KCNMB4: variants seen among roughly 807,000 people sequenced by gnomAD.
KCNMB4 encodes the protein potassium calcium-activated channel subfamily M regulatory beta subunit 4.
KCNMB4 carries 3 observed loss-of-function variants against 20.7 expected under a neutral mutation model. The observed-to-expected ratio is 0.14, with a 90% CI of 0.07 to 0.37. KCNMB4 has a LOEUF of 0.37. Among genes scored for constraint, KCNMB4 ranks in the 10% least tolerant of loss-of-function variants. The pLI is 1.00. For synonymous variants in KCNMB4, 110 were observed against 113.4 expected, an observed-to-expected ratio of 0.97 and a Z score of 0.19; for missense variants, 168 against 265.9, an observed-to-expected ratio of 0.63 and a Z score of 2.56.
chr12:70,392,923 T>C (rs1868313137), intron 1 of KCNMB4, among the ~76,000 whole-genome samples: 1 of 152,128 alleles, frequency 6.6e-6, no homozygotes, highest in South Asian at 2.1e-4. Context: ...ATGGCACATG[T>C]ATGTCTATGT....
chr12:70,422,911 A>G, intron 2 of KCNMB4: 1 of 1,030,892 alleles, frequency 9.7e-7, no homozygotes, highest in Non-Finnish European at 1.2e-6. Flanking sequence ...CGGTTTCCCC[A>G]GGCCTCTACT....
At chr12:70,422,759 A>G (rs1232538242) in intron 2 of KCNMB4, 1 of 1,288,056 alleles carries the variant, frequency 7.8e-7, no homozygotes, top group Non-Finnish European at 1.0e-6. Flanking sequence ...CATCTCCGGC[A>G]GGGGTTATCC....
chr12:70,407,126 T>G (rs544306427), intron 2 of KCNMB4, among the ~76,000 whole-genome samples: 3 of 152,286 alleles, frequency 2.0e-5, no homozygotes, highest in Non-Finnish European at 4.4e-5. Flanking sequence ...GCTGACCTTC[T>G]CTAAGTCAGG....
chr12:70,411,397 A>C (rs1203458162), intron 2 of KCNMB4, among the ~76,000 whole-genome samples: 1 of 152,220 alleles, frequency 6.6e-6, no homozygotes, highest in African/African-American at 2.4e-5. Flanking sequence ...AAAGGCAAAG[A>C]AATGTGTAAT....
chr12:70,403,423 C>T (rs1001297466), intron 2 of KCNMB4, among the ~76,000 whole-genome samples: 3 of 152,136 alleles, frequency 2.0e-5, no homozygotes, highest in Non-Finnish European at 4.4e-5. Context: ...ACCTCTGCCT[C>T]TCAGGTTCAA....
intron 1 of KCNMB4, among the ~76,000 whole-genome samples, chr12:70,378,729 G>C (rs761999710): frequency 1.3e-5 from 2 of 152,160 alleles, no homozygotes; most frequent in Admixed American, 1.3e-4. Flanking sequence ...TAGAGACAAG[G>C]CTTCACCATG....
intron 2 of KCNMB4, among the ~76,000 whole-genome samples, chr12:70,405,520 C>T (rs1296590134): frequency 6.6e-6 from 1 of 152,142 alleles, no homozygotes; most frequent in African/African-American, 2.4e-5. Context: ...AATTGGAACC[C>T]TTGCATACCG....
intron 2 of KCNMB4, among the ~76,000 whole-genome samples, chr12:70,420,417 G>A (rs1190742901): frequency 6.6e-6 from 1 of 152,152 alleles, no homozygotes; most frequent in Admixed American, 6.5e-5. Flanking sequence ...AGGGGGAGAT[G>A]AGATCAGAGA....
intron 1 of KCNMB4, among the ~76,000 whole-genome samples, chr12:70,382,820 T>A (rs1002620469): frequency 2.0e-5 from 3 of 152,106 alleles, no homozygotes; most frequent in Non-Finnish European, 4.4e-5. Context: ...ACATGAAAAA[T>A]ATGTGGTATC....
chr12:70,421,821 T>C (rs1869069984), intron 2 of KCNMB4, among the ~76,000 whole-genome samples: 1 of 151,742 alleles, frequency 6.6e-6, no homozygotes, highest in Non-Finnish European at 1.5e-5. Context: ...GACCTCTTGA[T>C]CCGCCCGCCT....
At chr12:70,401,686 G>A (rs1868455675) in intron 2 of KCNMB4, among the ~76,000 whole-genome samples, 1 of 146,422 alleles carries the variant, frequency 6.8e-6, no homozygotes, top group Admixed American at 7.0e-5. Flanking sequence ...CTCATTTGTA[G>A]TCGGATGATG....
chr12:70,431,717 C>A lies in KCNMB4; in HGVS notation c.*1064C>A, dbSNP rs1238939661. 1.3e-5 allele frequency: 2 copies of A among 152,144 alleles called. No homozygotes were observed. Among genetic ancestry groups the A allele is most frequent in the Admixed American group, 1.3e-4 (2 of 15,272 alleles). 9.4% of individuals were successfully genotyped at this position (152,144 alleles called of 1,614,324 possible). A position where few individuals can be genotyped will look rare whatever the true frequency, so the allele number is the denominator to read the frequency against. ...CTTTATCAAAAGTTGATTGAGAAGA[C>A]CATATTTCTTTGTATCTTTTTATAA... On this transcript the variant is annotated 3_prime_UTR_variant, in exon 3 of 3. Transcript: ENST00000258111.
chr12:70,395,676 G>T (rs745935400), intron 1 of KCNMB4, among the ~76,000 whole-genome samples: 5 of 152,120 alleles, frequency 3.3e-5, no homozygotes, highest in African/African-American at 4.8e-5. Context: ...TGTCAGGATA[G>T]CCCACTCGGT....
chr12:70,391,023 C>T (rs1868294708), intron 1 of KCNMB4, among the ~76,000 whole-genome samples: 1 of 152,168 alleles, frequency 6.6e-6, no homozygotes, highest in Non-Finnish European at 1.5e-5. Context: ...TGAGGTTCTA[C>T]CACAAGGGCT....
intron 1 of KCNMB4, among the ~76,000 whole-genome samples, chr12:70,388,510 C>T (rs372037668): frequency 1.6e-3 from 244 of 152,112 alleles, no homozygotes; most frequent in African/African-American, 5.5e-3. Flanking sequence ...TTCTCTACAT[C>T]CTTGCCAGCA....
intron 2 of KCNMB4, among the ~76,000 whole-genome samples, chr12:70,424,072 A>G (rs1869142576): frequency 6.6e-6 from 1 of 152,182 alleles, no homozygotes; most frequent in South Asian, 2.1e-4. Flanking sequence ...AAGGGAGAGG[A>G]AGAAAAGTTT....
At chr12:70,412,508 G>A (rs891564535) in intron 2 of KCNMB4, among the ~76,000 whole-genome samples, 1 of 152,162 alleles carries the variant, frequency 6.6e-6, no homozygotes, top group Non-Finnish European at 1.5e-5. Context: ...TTGGTCAGTT[G>A]TAGTTTATTT....
intron 2 of KCNMB4, among the ~76,000 whole-genome samples, chr12:70,421,103 A>G (rs1869041560): frequency 4.0e-5 from 6 of 151,652 alleles, no homozygotes; most frequent in Admixed American, 3.9e-4. Context: ...GTTCTGTATC[A>G]TACTCTTGGG....
intron 2 of KCNMB4, among the ~76,000 whole-genome samples, chr12:70,408,955 C>T (rs1868692330): frequency 6.6e-6 from 1 of 152,106 alleles, no homozygotes; most frequent in South Asian, 2.1e-4. Flanking sequence ...TCTTTTCATA[C>T]AATTTCCTTT....
Sources: allele counts gnomAD v4.1 joint callset (sites outside exome capture counted in the v4.1 genomes callset), GRCh38; gene constraint gnomAD v4.1.1; transcripts MANE v1.5; gene names NCBI Gene and HGNC (gene_info 2026-07-23, HGNC 2026-07-21).